Variants in PRELID2 observed in about 807,000 individuals in gnomAD.
The protein encoded by PRELID2 is PRELI domain containing 2.
Under a neutral mutation model 28.4 loss-of-function variants are expected in PRELID2, and 25 were observed. The ratio of observed to expected loss-of-function variants is 0.88; its 90% CI spans 0.64 to 1.23. The LOEUF (loss-of-function observed/expected upper bound fraction) is 1.23. Ranked by LOEUF, PRELID2 falls within the 50% of genes most tolerant of loss-of-function variation. The pLI is 0.00. For missense variants in PRELID2, 201 were observed against 214.4 expected, an observed-to-expected ratio of 0.94 and a Z score of 0.39; for synonymous variants, 76 against 71.6, an observed-to-expected ratio of 1.06 and a Z score of -0.31.
chr5:145,613,767 G>A (rs182782782), intron 1 of PRELID2, among the ~76,000 whole-genome samples: 1 of 152,088 alleles, frequency 6.6e-6, no homozygotes, highest in East Asian at 1.9e-4. Context: ...CTCCCATTCT[G>A]TGGGTTGTCC....
chr5:145,633,026 CA>C (rs1408548615), intron 1 of PRELID2, among the ~76,000 whole-genome samples: 1 of 152,114 alleles, frequency 6.6e-6, no homozygotes, highest in Admixed American at 6.5e-5. Flanking sequence ...ATTTGAAAGC[CA>C]TCAAGAAAGC....
At chr5:145,796,876 A>G (rs1373633522) in intron 4 of PRELID2, among the ~76,000 whole-genome samples, 1 of 152,168 alleles carries the variant, frequency 6.6e-6, no homozygotes, top group African/African-American at 2.4e-5. Flanking sequence ...AATGGGAACG[A>G]CCATAGTATC....
At chr5:145,353,362 C>G in the PRELID2 span, among the ~76,000 whole-genome samples, 2 of 151,960 alleles carry the variant, frequency 1.3e-5, no homozygotes, top group Non-Finnish European at 2.9e-5. Context: ...ACTTAGGAGG[C>G]TGAGGCAGGA....
chr5:145,790,721 G>GTGTATATATATATA (rs772901344), intron 5 of PRELID2, among the ~76,000 whole-genome samples: 23 of 110,906 alleles, frequency 2.1e-4, no homozygotes, highest in African/African-American at 7.1e-4. Flanking sequence ...GTGTGTGTGT[G>GTGTATATATATATA]TATATATATA....
chr5:145,410,687 T>C, the PRELID2 span, among the ~76,000 whole-genome samples: 2 of 152,040 alleles, frequency 1.3e-5, no homozygotes, highest in Non-Finnish European at 2.9e-5. Flanking sequence ...CAGTTATCTC[T>C]ACCTGGTCCT....
chr5:145,383,477 A>T, the PRELID2 span, among the ~76,000 whole-genome samples: 1 of 151,532 alleles, frequency 6.6e-6, no homozygotes, highest in African/African-American at 2.4e-5. Context: ...TAATAATCAA[A>T]TAGATAAATA....
At chr5:145,716,010 C>T (rs1654234) in intron 1 of PRELID2, among the ~76,000 whole-genome samples, 28,023 of 152,124 alleles carry the variant, frequency 0.18, 2,992 homozygotes, top group African/African-American at 0.29. Context: ...TGTGGCCCAA[C>T]CCAAATTTGT....
chr5:145,309,668 G>A, the PRELID2 span, among the ~76,000 whole-genome samples: 2,788 of 152,232 alleles, frequency 0.018, 75 homozygotes, highest in African/African-American at 0.061. Context: ...GCTATGTTCA[G>A]TCTTCCTATC....
chr5:145,517,830 T>C (rs1752529535), intron 1 of PRELID2, among the ~76,000 whole-genome samples: 1 of 152,134 alleles, frequency 6.6e-6, no homozygotes, highest in South Asian at 2.1e-4. Context: ...GATGAATTCA[T>C]GTCCTTTGCA....
At chr5:145,422,976 ATTTCTCCTTCACTT>A in the PRELID2 span, among the ~76,000 whole-genome samples, 1 of 148,920 alleles carries the variant, frequency 6.7e-6, no homozygotes, top group South Asian at 2.2e-4. Flanking sequence ...AAAGTATTTT[ATTTCTCCTTCACTT>A]ATGAAGCTTA....
intron 1 of PRELID2, among the ~76,000 whole-genome samples, chr5:145,488,123 C>CAA (rs10643402): frequency 0.57 from 57,087 of 100,672 alleles, 15,085 homozygotes; most frequent in East Asian, 0.96. Flanking sequence ...GACTCTGTCT[C>CAA]AAAAAAAAAA....
intron 1 of PRELID2, among the ~76,000 whole-genome samples, chr5:145,584,966 T>C (rs748827593): frequency 1.3e-4 from 20 of 152,068 alleles, no homozygotes; most frequent in Non-Finnish European, 1.5e-4. Context: ...AATCATTCTA[T>C]TATAAAGATA....
chr5:145,512,156 G>A (rs1752466989), intron 1 of PRELID2, among the ~76,000 whole-genome samples: 1 of 152,070 alleles, frequency 6.6e-6, no homozygotes, highest in African/African-American at 2.4e-5. Flanking sequence ...GAAGGTGGTG[G>A]CTGGCAAGAT....
chr5:145,260,038 C>T, the PRELID2 span, among the ~76,000 whole-genome samples: 3 of 152,082 alleles, frequency 2.0e-5, no homozygotes, highest in African/African-American at 4.8e-5. Flanking sequence ...GAGATCTGGT[C>T]GTTTAAAAGT....
At chr5:145,630,521 T>A (rs1753917613) in intron 1 of PRELID2, among the ~76,000 whole-genome samples, 1 of 152,152 alleles carries the variant, frequency 6.6e-6, no homozygotes, top group Non-Finnish European at 1.5e-5. Flanking sequence ...GAGTAAACTG[T>A]ATCAGCAACA....
At chr5:145,817,130 G>GC (rs1410199915) in intron 4 of PRELID2, among the ~76,000 whole-genome samples, 1 of 147,468 alleles carries the variant, frequency 6.8e-6, no homozygotes, top group Non-Finnish European at 1.5e-5. Context: ...GGTTGAGGCT[G>GC]CACCGAGCCA....
the PRELID2 span, among the ~76,000 whole-genome samples, chr5:145,421,072 A>T: frequency 4.0e-5 from 6 of 151,238 alleles, no homozygotes; most frequent in Non-Finnish European, 5.9e-5. Flanking sequence ...CTTGCATCCC[A>T]GGGATGAAGC....
intron 3 of PRELID2, chr5:145,819,561 T>C (rs1048155235): frequency 1.7e-6 from 1 of 586,240 alleles, no homozygotes; most frequent in Non-Finnish European, 3.0e-6. Context: ...AATTAGAAAC[T>C]GAAGTTTTTC....
chr5:145,295,309 G>T, the PRELID2 span, among the ~76,000 whole-genome samples: 1 of 151,926 alleles, frequency 6.6e-6, no homozygotes, highest in East Asian at 1.9e-4. Context: ...TTAGTGATAA[G>T]GTAAGAAAAA....
Sources: gnomAD v4.1 joint callset for allele counts (sites outside exome capture counted in the v4.1 genomes callset) on GRCh38, gnomAD v4.1.1 for gene constraint, MANE v1.5 for transcripts, NCBI Gene and HGNC (gene_info 2026-07-23, HGNC 2026-07-21) for gene names.